The following AGBL1 variants were observed in gnomAD, a reference collection of about 807,000 sequenced individuals.
AGBL1 encodes the protein AGBL carboxypeptidase 1, also known as cytosolic carboxypeptidase 4.
AGBL1 carries 130 observed loss-of-function variants against 118.9 expected under a neutral mutation model. That is an observed-to-expected ratio of 1.09 (90% CI 0.95 to 1.26). The LOEUF (loss-of-function observed/expected upper bound fraction) is 1.26. Among genes scored for constraint, AGBL1 ranks in the 50% most tolerant of loss-of-function variants. AGBL1 has a pLI of 0.00. For missense variants in AGBL1, 1,584 were observed against 1,298.1 expected, an observed-to-expected ratio of 1.22 and a Z score of -3.38; for synonymous variants, 555 against 478.9, an observed-to-expected ratio of 1.16 and a Z score of -2.08.
intron 16 of AGBL1, among the ~76,000 whole-genome samples, chr15:86,281,764 C>G (rs2079358869): frequency 6.6e-6 from 1 of 152,088 alleles, no homozygotes; most frequent in African/African-American, 2.4e-5. Flanking sequence ...GAATTTCTGC[C>G]CTGGGGTCAG....
intron 22 of AGBL1, among the ~76,000 whole-genome samples, chr15:86,793,876 A>T (rs1219503482): frequency 6.6e-6 from 1 of 152,204 alleles, no homozygotes; most frequent in Non-Finnish European, 1.5e-5. Flanking sequence ...TCATTAGAGA[A>T]ATGCAAATTA....
rs1284990203 is a variant in AGBL1 at position 86,976,014 on chromosome 15, A to G, written c.3222-11973A>G. ...AGTATGTGAATGAATAACTGAGTAA[A>G]TAAGCAAAAAAATCATATACTTTAA... On this transcript the variant is annotated intron_variant, in intron 23 of 24. Coordinates refer to the AGBL1 transcript ENST00000441037. Among the ~76,000 whole-genome samples, 5 of 152,154 alleles carry G rather than the reference A, an allele frequency of 3.3e-5. No homozygotes were observed. The South Asian group carries it at 1.0e-3, about 31-fold the overall frequency.
intron 22 of AGBL1, among the ~76,000 whole-genome samples, chr15:86,678,888 A>T (rs2085897582): frequency 6.6e-6 from 1 of 152,080 alleles, no homozygotes; most frequent in Non-Finnish European, 1.5e-5. Context: ...CCGGTTTATT[A>T]TATAGTATAT....
At chr15:86,588,683 G>T (rs575899087) in intron 21 of AGBL1, among the ~76,000 whole-genome samples, 1 of 152,274 alleles carries the variant, frequency 6.6e-6, no homozygotes, top group Non-Finnish European at 1.5e-5. Context: ...AGCAGAGTTT[G>T]ACTCCGGAAT....
chr15:86,704,970 A>C (rs528646096), intron 22 of AGBL1, among the ~76,000 whole-genome samples: 1 of 152,210 alleles, frequency 6.6e-6, no homozygotes, highest in African/African-American at 2.4e-5. Context: ...GAATGAGTTC[A>C]TGTCCTTTGT....
chr15:86,673,320 C>T (rs1056251958), intron 21 of AGBL1, among the ~76,000 whole-genome samples: 5 of 152,104 alleles, frequency 3.3e-5, no homozygotes, highest in African/African-American at 1.2e-4. Context: ...AAAGAGTTCG[C>T]TGAGCCCAAG....
chr15:86,781,138 A>G (rs983276612), intron 22 of AGBL1, among the ~76,000 whole-genome samples: 2 of 149,670 alleles, frequency 1.3e-5, no homozygotes, highest in Non-Finnish European at 3.0e-5. Flanking sequence ...TCTTTGAAAT[A>G]ACATAGAGAT....
chr15:86,382,671 A>T (rs144449998), intron 17 of AGBL1, among the ~76,000 whole-genome samples: 3,053 of 151,662 alleles, frequency 0.02, 41 homozygotes, highest in Middle Eastern at 0.095. Flanking sequence ...TAATAATAAT[A>T]ATTATTATTA....
At chr15:86,513,153 C>G (rs1211638465) in intron 18 of AGBL1, among the ~76,000 whole-genome samples, 1 of 151,958 alleles carries the variant, frequency 6.6e-6, no homozygotes, top group Non-Finnish European at 1.5e-5. Context: ...TTTCACCAAT[C>G]ATTCCAATAA....
rs560290444 is a variant in AGBL1, at chr15:86,418,361, C to T, written c.2555+20815C>T. 6.4e-4 allele frequency among the ~76,000 whole-genome samples: 98 copies of T among 152,290 alleles called. 1 individual carries two copies. The highest frequency in any genetic ancestry group is 5.6e-3 in the Admixed American group (85 of 15,294). On this transcript the variant is annotated intron_variant, in intron 18 of 22. Transcript: ENST00000614907. The stretch of plus-strand genomic sequence containing the variant: ...TCTTGAGAGACTTTTGCAAATTCCT[C>T]ACTGAAGGCCTGTTAAGCTCTGTCT...
chr15:86,499,411 C>T (rs1218930514), intron 18 of AGBL1, among the ~76,000 whole-genome samples: 2 of 151,704 alleles, frequency 1.3e-5, no homozygotes, highest in South Asian at 2.1e-4. Context: ...TATGCAATTT[C>T]GAACGAAGTG....
intron 17 of AGBL1, among the ~76,000 whole-genome samples, chr15:86,323,902 A>T (rs79212285): frequency 6.6e-6 from 1 of 152,254 alleles, no homozygotes; most frequent in East Asian, 1.9e-4. Flanking sequence ...GTCTGGCATG[A>T]CTTGCTTTTT....
chr15:86,841,109 G>A (rs1490076215), intron 22 of AGBL1, among the ~76,000 whole-genome samples: 2 of 152,232 alleles, frequency 1.3e-5, no homozygotes, highest in East Asian at 3.8e-4. Flanking sequence ...AGAGCAGCAA[G>A]GATGAATGAC....
At chr15:86,497,005 A>G (rs768714788) in intron 18 of AGBL1, among the ~76,000 whole-genome samples, 12 of 151,954 alleles carry the variant, frequency 7.9e-5, no homozygotes, top group Non-Finnish European at 1.6e-4. Flanking sequence ...AAATCTTTAT[A>G]TTTTGTTTCT....
intron 23 of AGBL1, among the ~76,000 whole-genome samples, chr15:86,961,833 T>C (rs1418416958): frequency 6.6e-6 from 1 of 152,036 alleles, no homozygotes; most frequent in South Asian, 2.1e-4. Flanking sequence ...GCCTAAGATA[T>C]TGCCTCTCAG....
chr15:86,859,212 T>G (rs2079526778), intron 22 of AGBL1, among the ~76,000 whole-genome samples: 1 of 152,216 alleles, frequency 6.6e-6, no homozygotes, highest in Non-Finnish European at 1.5e-5. Context: ...GATGGATGTT[T>G]CCAGCACAAC....
At chr15:86,451,488 A>G (rs1034861443) in intron 18 of AGBL1, among the ~76,000 whole-genome samples, 6 of 152,180 alleles carry the variant, frequency 3.9e-5, no homozygotes, top group Admixed American at 3.9e-4. Context: ...TGAATATTTA[A>G]TTAGTTTCTT....
intron 22 of AGBL1, among the ~76,000 whole-genome samples, chr15:86,818,133 G>A (rs184101220): frequency 2.3e-4 from 35 of 152,122 alleles, no homozygotes; most frequent in Admixed American, 1.8e-3. Context: ...ACACATGCGC[G>A]TGAGAGAGAG....
intron 17 of AGBL1, among the ~76,000 whole-genome samples, chr15:86,311,394 G>A (rs2079919138): frequency 6.6e-6 from 1 of 152,124 alleles, no homozygotes; most frequent in South Asian, 2.1e-4. Flanking sequence ...TGGATAATAT[G>A]AATTTGAAGG....
Sources: allele counts gnomAD v4.1 joint callset (sites outside exome capture counted in the v4.1 genomes callset), GRCh38; gene constraint gnomAD v4.1.1; transcripts MANE v1.5; gene names NCBI Gene and HGNC (gene_info 2026-07-23, HGNC 2026-07-21).